Variants in RNF41 observed in about 807,000 individuals in gnomAD.
RNF41 encodes ring finger protein 41.
RNF41 carries 4 observed loss-of-function variants against 33.0 expected under a neutral mutation model. That is an observed-to-expected ratio of 0.12 (90% CI 0.06 to 0.28). The LOEUF (loss-of-function observed/expected upper bound fraction) is 0.28. Among genes scored for constraint, RNF41 ranks in the 10% least tolerant of loss-of-function variants. The pLI, the probability that RNF41 is intolerant of heterozygous loss-of-function variation, is 1.00. For synonymous variants in RNF41, 164 were observed against 153.2 expected (o/e 1.07, Z -0.52); for missense variants, 228 against 432.6 (o/e 0.53, Z 4.19).
Position 56,206,868 on chromosome 12 carries a change from T to C in RNF41, c.603-70A>G, listed in dbSNP as rs1220846153. The C allele has an allele frequency of 2.6e-6, 3 of 1,153,790 alleles. No individual in the cohort carries two copies. The highest frequency in any genetic ancestry group is 3.7e-6 in the Non-Finnish European group (3 of 816,942). The allele number at this position is 1,153,790 out of a possible 1,614,324, so 71.5% of individuals were successfully genotyped here. ...TCTCTGTATTGGCTTTTTCTGCTAA[T>C]AGAAATAACTACCCACTCTGCACTC... On this transcript the variant is annotated intron_variant, in intron 6 of 6. Transcript: ENST00000345093. The surrounding 1 kb of genome is among the most constrained non-coding windows in gnomAD (Gnocchi z 5.7).
chr12:56,214,373 T>C (rs1276612738), intron 2 of RNF41, among the ~76,000 whole-genome samples: 1 of 149,426 alleles, frequency 6.7e-6, no homozygotes, highest in Non-Finnish European at 1.5e-5. Context: ...ATACAAAAAT[T>C]AGCTGGGTGT....
Position 56,206,896 on chromosome 12 carries a change from C to A in RNF41, c.603-98G>T. The A allele has an allele frequency of 1.0e-6, 1 of 986,862 alleles. No homozygotes were observed. 61.1% of individuals were successfully genotyped at this position (986,862 alleles called of 1,614,324 possible). A position where few individuals can be genotyped will look rare whatever the true frequency, so the allele number is the denominator to read the frequency against. ...AAATAACTACCCACTCTGCACTCAG[C>A]TTACCTATTCTTCCTTCTTTCCTTC... is the stretch of plus-strand genomic sequence containing the variant. On this transcript the variant is annotated intron_variant, in intron 6 of 6. Coordinates refer to ENST00000345093, the MANE Select transcript of RNF41 (RefSeq NM_005785.4). The surrounding 1 kb of genome is among the most constrained non-coding windows in gnomAD (Gnocchi z 5.7).
At chr12:56,209,284 A>C (rs1161347768) in intron 4 of RNF41, among the ~76,000 whole-genome samples, 1 of 151,630 alleles carries the variant, frequency 6.6e-6, no homozygotes, top group Admixed American at 6.6e-5. Context: ...CCAGCTATCA[A>C]CATTCTTTTT....
At chr12:56,211,357 A>G (rs2135805724) in intron 3 of RNF41, among the ~76,000 whole-genome samples, 1 of 151,950 alleles carries the variant, frequency 6.6e-6, no homozygotes, top group Non-Finnish European at 1.5e-5. Context: ...AAATAAATAT[A>G]TATATATATA....
In RNF41 at chr12:56,208,147, G is replaced by A. The variant is rs372020439; in HGVS notation, c.498+16C>T. 2.0e-5 allele frequency: 33 copies of A among 1,613,934 alleles called. No homozygotes were observed. In the Middle Eastern group the frequency reaches 6.6e-4, roughly 32 times the overall value. On this transcript the variant is annotated intron_variant, in intron 5 of 6. Coordinates refer to ENST00000345093, the MANE Select transcript of RNF41 (RefSeq NM_005785.4). ...GCATATGAGGGATATGTTCTCCCCCGTGTCTTGGGGCCTACCTGCTCCGCC... is the reference window on the plus strand; with the variant it reads ...GCATATGAGGGATATGTTCTCCCCCATGTCTTGGGGCCTACCTGCTCCGCC...
intron 1 of RNF41, among the ~76,000 whole-genome samples, chr12:56,218,593 A>G (rs1333478409): frequency 5.3e-5 from 8 of 151,886 alleles, no homozygotes; most frequent in African/African-American, 1.9e-4. Context: ...AAACAAGTCA[A>G]GTAACCCTGC....
At chr12:56,213,439 C>T (rs939183521) in intron 3 of RNF41, among the ~76,000 whole-genome samples, 7 of 152,110 alleles carry the variant, frequency 4.6e-5, no homozygotes, top group Admixed American at 2.0e-4. Context: ...GATCCACCCA[C>T]CTTGGCCTCC....
Position 56,206,918 on chromosome 12 carries a change from C to T in RNF41, c.603-120G>A. 1.0e-6 allele frequency: 1 copy of T among 953,684 alleles called. No individual in the cohort carries two copies. The highest frequency in any genetic ancestry group is 1.5e-6 in the Non-Finnish European group (1 of 656,604). 59.1% of individuals were successfully genotyped at this position (953,684 alleles called of 1,614,324 possible). On this transcript the variant is annotated intron_variant, in intron 6 of 6. Coordinates refer to ENST00000345093, the MANE Select transcript of RNF41 (RefSeq NM_005785.4). This position sits in a 1 kb window ranked among gnomAD's most constrained non-coding sequence, Gnocchi z 5.7. Reference sequence around the variant, plus strand: ...CAGCTTACCTATTCTTCCTTCTTTCCTTCCATCATTGGCTCAGAAACCCCA... The same window carrying T: ...CAGCTTACCTATTCTTCCTTCTTTCTTTCCATCATTGGCTCAGAAACCCCA...
chr12:56,211,555 T>C (rs1868478248), intron 3 of RNF41, among the ~76,000 whole-genome samples: 2 of 152,078 alleles, frequency 1.3e-5, no homozygotes, highest in Admixed American at 1.3e-4. Flanking sequence ...GGTGAGGTCT[T>C]TTCAGGCTAG....
At chr12:56,207,491 T>C in intron 6 of RNF41, 155 bp downstream of exon 6, 2 of 753,386 alleles carry the variant, frequency 2.7e-6, no homozygotes, top group Admixed American at 4.0e-5. Flanking sequence ...GGTTATCCTC[T>C]TCTCCTCTGC....
chr12:56,212,773 A>G (rs1447033128), intron 3 of RNF41, among the ~76,000 whole-genome samples: 1 of 152,152 alleles, frequency 6.6e-6, no homozygotes, highest in Admixed American at 6.6e-5. Flanking sequence ...GAGAAAAAAT[A>G]AAGGCTCAAG....
intron 3 of RNF41, chr12:56,213,205 G>GT (rs796258832): frequency 0.21 from 165,909 of 797,690 alleles, 5 homozygotes; most frequent in South Asian, 0.27. Context: ...ATTTGTTTTT[G>GT]TTTTTTTTTT....
chr12:56,221,826 G>A lies in RNF41; in HGVS notation c.-275C>T, dbSNP rs569163021. 4 of 152,614 alleles carry A rather than the reference G, an allele frequency of 2.6e-5. No homozygotes were observed. The South Asian group carries it at 8.2e-4, about 31-fold the overall frequency. 9.5% of individuals were successfully genotyped at this position (152,614 alleles called of 1,614,324 possible). A position where few individuals can be genotyped will look rare whatever the true frequency, so the allele number is the denominator to read the frequency against. On this transcript the variant is annotated 5_prime_UTR_variant, in exon 1 of 7. Transcript: ENST00000345093. ...CGGAGCTGAGGCCGCAGCGGCCACA[G>A]TACTGCCCTGGTGCCGGGTCCCAGC...
intron 1 of RNF41, 138 bp from the exon 2 acceptor site, chr12:56,216,751 G>A (rs1868916341): frequency 6.6e-6 from 1 of 152,274 alleles, no homozygotes; most frequent in African/African-American, 2.4e-5. Flanking sequence ...TCAGTGCTAG[G>A]CAAATAAGAC....
chr12:56,213,056 G>C (rs1242342632), intron 3 of RNF41: 2 of 1,289,668 alleles, frequency 1.6e-6, no homozygotes, highest in African/African-American at 1.5e-5. Context: ...CTCTGGTCTG[G>C]CAAGGCTGGC....
rs140194784 is a variant in RNF41, at chr12:56,204,937, C to T, written c.*1510G>A. 2.2e-4 allele frequency: 34 copies of T among 152,426 alleles called. No individual in the cohort carries two copies. Among genetic ancestry groups the T allele is most frequent in the African/African-American group, 7.9e-4 (33 of 41,556 alleles). 9.4% of individuals were successfully genotyped at this position (152,426 alleles called of 1,614,324 possible). On this transcript the variant is annotated 3_prime_UTR_variant, in exon 7 of 7. Coordinates refer to ENST00000345093, the MANE Select transcript of RNF41 (RefSeq NM_005785.4). ...CACCTCCATATTAAAATAATCACAC[C>T]TATTATCTCTCCCCTTCTCTTACTC...
At chr12:56,217,960 T>C (rs917244297) in intron 1 of RNF41, among the ~76,000 whole-genome samples, 7 of 140,406 alleles carry the variant, frequency 5.0e-5, no homozygotes, top group African/African-American at 2.0e-4. Context: ...CATAAATTAT[T>C]ATTATTATTT....
Position 56,203,022 on chromosome 12 carries a change from C to A in RNF41, c.*3425G>T, listed in dbSNP as rs934373328. ...TGCTTATCAGTATTTTATAAACATA[C>A]CTTGTGTGCATAGAAGCGCAGACTC... On this transcript the variant is annotated 3_prime_UTR_variant, in exon 7 of 7. Transcript: ENST00000345093. 3 of 148,908 alleles carry A rather than the reference C, an allele frequency of 2.0e-5. No individual in the cohort carries two copies. Among genetic ancestry groups the A allele is most frequent in the African/African-American group, 7.4e-5 (3 of 40,516 alleles). 9.2% of individuals were successfully genotyped at this position (148,908 alleles called of 1,614,324 possible).
In RNF41 at chr12:56,204,133, T is replaced by C. The variant is rs1234271778; in HGVS notation, c.*2314A>G. 1 of 152,198 alleles carries C rather than the reference T, an allele frequency of 6.6e-6. No homozygotes were observed. Among genetic ancestry groups the C allele is most frequent in the Non-Finnish European group, 1.5e-5 (1 of 68,048 alleles). 9.4% of individuals were successfully genotyped at this position (152,198 alleles called of 1,614,324 possible). ...CTCTGCCTGCAAAGGAATTCTAGAT[T>C]CTAAAGCAAAGTTGCTTGTGGGACA... On this transcript the variant is annotated 3_prime_UTR_variant, in exon 7 of 7. Transcript: ENST00000345093.
Sources: gnomAD v4.1 joint callset for allele counts (sites outside exome capture counted in the v4.1 genomes callset) on GRCh38, gnomAD v4.1.1 for gene constraint, Gnocchi (gnomAD v3.1) non-coding constraint, MANE v1.5 for transcripts, NCBI Gene and HGNC (gene_info 2026-07-23, HGNC 2026-07-21) for gene names.